Variants in PLCXD3 observed in about 807,000 individuals in gnomAD.
PLCXD3 encodes the protein phosphatidylinositol specific phospholipase C X domain containing 3, also known as PI-PLC X domain-containing protein 3.
A neutral mutation model predicts 25.5 loss-of-function variants in PLCXD3; 19 were observed. That is an observed-to-expected ratio of 0.75 (90% CI 0.52 to 1.09). The LOEUF (loss-of-function observed/expected upper bound fraction) is 1.09, where lower values mean the gene tolerates loss of function less well. Among genes scored for constraint, PLCXD3 ranks in the 50% least tolerant of loss-of-function variants. PLCXD3 has a pLI of 0.00. For synonymous variants in PLCXD3, 174 were observed against 137.6 expected (o/e 1.26, Z -1.85); for missense variants, 411 against 388.1 (o/e 1.06, Z -0.50).
intron 1 of PLCXD3, among the ~76,000 whole-genome samples, chr5:41,411,265 T>A (rs1218116513): frequency 6.6e-6 from 1 of 152,212 alleles, no homozygotes; most frequent in African/African-American, 2.4e-5. Flanking sequence ...AAATCTGAAA[T>A]AACACAACAT....
In PLCXD3 at chr5:41,434,398, T is replaced by G. The variant is rs559229481; in HGVS notation, c.104-51864A>C. Among the ~76,000 whole-genome samples, 245 of 152,284 alleles carry G rather than the reference T, an allele frequency of 1.6e-3. 1 individual carries two copies. Among genetic ancestry groups the G allele is most frequent in the Non-Finnish European group, 2.8e-3 (193 of 68,008 alleles). ...AAAGCGAGGAGATGAGCATTAAAAA[T>G]GTACAATTGCAACTGGGAGAATGGC... On this transcript the variant is annotated intron_variant, in intron 1 of 2. Coordinates refer to ENST00000377801, the MANE Select transcript of PLCXD3 (RefSeq NM_001005473.3).
rs935901339 is a variant in PLCXD3, at chr5:41,307,421, C to T, written c.*6196G>A. 2.0e-5 allele frequency: 3 copies of T among 152,592 alleles called. No homozygotes were observed. The highest frequency in any genetic ancestry group is 4.4e-5 in the Non-Finnish European group (3 of 68,022). 9.5% of individuals were successfully genotyped at this position (152,592 alleles called of 1,614,324 possible). On this transcript the variant is annotated 3_prime_UTR_variant, in exon 3 of 3. Coordinates refer to ENST00000377801, the MANE Select transcript of PLCXD3 (RefSeq NM_001005473.3). ...GAAAGCTAGAATTTAGGAATTCCAA[C>T]ATGGTTCTATTTTCTGCATTGTTTT...
At chr5:41,432,175 G>T (rs932686380) in intron 1 of PLCXD3, among the ~76,000 whole-genome samples, 2 of 152,098 alleles carry the variant, frequency 1.3e-5, no homozygotes, top group African/African-American at 4.8e-5. Context: ...TACAATCCAG[G>T]ATAAATTACG....
intron 2 of PLCXD3, among the ~76,000 whole-genome samples, chr5:41,365,210 G>A (rs150570041): frequency 5.3e-5 from 8 of 152,052 alleles, no homozygotes; most frequent in Non-Finnish European, 1.0e-4. Context: ...CTTTTTTACC[G>A]TTTTTTGGTG....
chr5:41,403,474 T>C (rs1369643826), intron 1 of PLCXD3, among the ~76,000 whole-genome samples: 1 of 62,270 alleles, frequency 1.6e-5, no homozygotes, highest in East Asian at 2.8e-4. Context: ...TACATATGTA[T>C]ACATGTGCCA....
chr5:41,466,342 T>TA (rs763787523), intron 1 of PLCXD3, among the ~76,000 whole-genome samples: 1 of 152,108 alleles, frequency 6.6e-6, no homozygotes. Flanking sequence ...ATATGTACTA[T>TA]AAAAATGTGA....
intron 1 of PLCXD3, among the ~76,000 whole-genome samples, chr5:41,446,200 A>AAAAAAAAAAAAAAAAAAAC (rs1747498278): frequency 6.7e-6 from 1 of 148,172 alleles, no homozygotes; most frequent in Non-Finnish European, 1.5e-5. Flanking sequence ...AAAAAAAAAA[A>AAAAAAAAAAAAAAAAAAAC]AGAACAACGA....
rs1051473495 is a variant in PLCXD3 at position 41,307,199 on chromosome 5, A to G, written c.*6418T>C. The stretch of plus-strand genomic sequence containing the variant: ...AATGTCACCAGCTCTGCAAATTCCC[A>G]TCCTCCAGAAATGAAGCAAATCAAC... On this transcript the variant is annotated 3_prime_UTR_variant, in exon 3 of 3. Transcript: ENST00000377801. The G allele has an allele frequency of 1.3e-5, 2 of 152,584 alleles. No homozygotes were observed. Among genetic ancestry groups the G allele is most frequent in the African/African-American group, 4.8e-5 (2 of 41,438 alleles). 9.5% of individuals were successfully genotyped at this position (152,584 alleles called of 1,614,324 possible). A position where few individuals can be genotyped will look rare whatever the true frequency, so the allele number is the denominator to read the frequency against.
chr5:41,415,006 C>T (rs1420669270), intron 1 of PLCXD3, among the ~76,000 whole-genome samples: 1 of 152,062 alleles, frequency 6.6e-6, no homozygotes, highest in African/African-American at 2.4e-5. Flanking sequence ...TATTGTGTCT[C>T]ATTTATAAAT....
chr5:41,448,093 G>T (rs1455466599), intron 1 of PLCXD3, among the ~76,000 whole-genome samples: 1 of 152,102 alleles, frequency 6.6e-6, no homozygotes, highest in Non-Finnish European at 1.5e-5. Flanking sequence ...ACACCATAAA[G>T]AGTTAAGACA....
intron 2 of PLCXD3, among the ~76,000 whole-genome samples, chr5:41,333,644 C>T (rs1468063856): frequency 6.6e-6 from 1 of 152,054 alleles, no homozygotes; most frequent in Non-Finnish European, 1.5e-5. Flanking sequence ...TATTTTTCCC[C>T]TAAAATTACA....
rs555522868 is a variant in PLCXD3, at chr5:41,416,277, G to A, written c.104-33743C>T. ...AGAAGGAAAAAGCGACAGTATCTAG[G>A]ACATTTAGCTTTGGCTGGAATAGAG... On this transcript the variant is annotated intron_variant, in intron 1 of 2. Coordinates refer to ENST00000377801, the MANE Select transcript of PLCXD3 (RefSeq NM_001005473.3). Among the ~76,000 whole-genome samples, 13 of 152,308 alleles carry A rather than the reference G, an allele frequency of 8.5e-5. No individual in the cohort carries two copies. The South Asian group carries it at 2.7e-3, about 32-fold the overall frequency.
intron 2 of PLCXD3, among the ~76,000 whole-genome samples, chr5:41,316,745 G>T (rs1276489931): frequency 6.6e-6 from 1 of 152,184 alleles, no homozygotes; most frequent in Non-Finnish European, 1.5e-5. Flanking sequence ...TAGGGTGGTG[G>T]TGGCTATAGG....
At chr5:41,397,353 A>G (rs1012045697) in intron 1 of PLCXD3, among the ~76,000 whole-genome samples, 3 of 152,220 alleles carry the variant, frequency 2.0e-5, no homozygotes, top group African/African-American at 7.2e-5. Flanking sequence ...ATTTCTTCAG[A>G]GGGTGCAAGC....
At chr5:41,330,904 G>T (rs1221787785) in intron 2 of PLCXD3, among the ~76,000 whole-genome samples, 2 of 152,168 alleles carry the variant, frequency 1.3e-5, no homozygotes, top group African/African-American at 4.8e-5. Context: ...AACCCTTCAT[G>T]CTAAAAACTC....
intron 1 of PLCXD3, among the ~76,000 whole-genome samples, chr5:41,504,400 T>C (rs1749014614): frequency 2.0e-5 from 3 of 152,190 alleles, no homozygotes; most frequent in African/African-American, 7.2e-5. Flanking sequence ...AATCATACCT[T>C]AGTCCCCGAG....
At chr5:41,475,563 C>A (rs1476699226) in intron 1 of PLCXD3, 1 of 526,210 alleles carries the variant, frequency 1.9e-6, no homozygotes, top group East Asian at 5.5e-5. Context: ...TTTATCCCTA[C>A]TTATCTCTGT....
In PLCXD3 at chr5:41,308,859, A is replaced by T. The variant is rs1743060067; in HGVS notation, c.*4758T>A. 1 of 152,448 alleles carries T rather than the reference A, an allele frequency of 6.6e-6. No individual in the cohort carries two copies. Among genetic ancestry groups the T allele is most frequent in the African/African-American group, 2.4e-5 (1 of 41,428 alleles). 9.4% of individuals were successfully genotyped at this position (152,448 alleles called of 1,614,324 possible). ...GTCTGTATGAAAATGAAGTTAATAT[A>T]TGAATTGATGTTTGATTATTACGAA... On this transcript the variant is annotated 3_prime_UTR_variant, in exon 3 of 3. Coordinates refer to ENST00000377801, the MANE Select transcript of PLCXD3 (RefSeq NM_001005473.3).
chr5:41,481,392 G>C (rs1317710623), intron 1 of PLCXD3, among the ~76,000 whole-genome samples: 2 of 152,276 alleles, frequency 1.3e-5, no homozygotes, highest in South Asian at 2.1e-4. Flanking sequence ...TCCCAGAACT[G>C]GACTTCTGCC....
Sources: gnomAD v4.1 joint callset for allele counts (sites outside exome capture counted in the v4.1 genomes callset) on GRCh38, gnomAD v4.1.1 for gene constraint, MANE v1.5 for transcripts, NCBI Gene and HGNC (gene_info 2026-07-23, HGNC 2026-07-21) for gene names.